Variants in BRINP2 observed in about 807,000 individuals in gnomAD.
The protein encoded by BRINP2 is BMP/retinoic acid-inducible neural-specific protein 2.
In BRINP2, 21 loss-of-function variants were observed where a neutral mutation model predicts 69.2. The ratio of observed to expected loss-of-function variants is 0.30; its 90% CI spans 0.22 to 0.44. The LOEUF (loss-of-function observed/expected upper bound fraction) is 0.44, where lower values mean the gene tolerates loss of function less well. BRINP2 is among the 20% of genes least tolerant of loss of function. The probability of loss-of-function intolerance (pLI) is 1.00; values close to 1 mark genes in which losing one functional copy is unlikely to be tolerated. For synonymous variants in BRINP2, 380 were observed against 394.1 expected (o/e 0.96, Z 0.42); for missense variants, 877 against 986.0 (o/e 0.89, Z 1.48).
intron 1 of BRINP2, among the ~76,000 whole-genome samples, chr1:177,177,650 A>ACTACT (rs58914167): frequency 0.16 from 23,653 of 151,930 alleles, 3,730 homozygotes; most frequent in African/African-American, 0.41. Flanking sequence ...GCTTAATCAA[A>ACTACT]CTACTCTACT....
At chr1:177,237,274 G>T (rs1378686586) in intron 2 of BRINP2, among the ~76,000 whole-genome samples, 2 of 152,194 alleles carry the variant, frequency 1.3e-5, no homozygotes, top group Non-Finnish European at 2.9e-5. Context: ...AGCAGAATAC[G>T]AAAGACAGAC....
At chr1:177,215,439 AT>A (rs950180568) in intron 1 of BRINP2, among the ~76,000 whole-genome samples, 3 of 151,946 alleles carry the variant, frequency 2.0e-5, no homozygotes, top group Non-Finnish European at 4.4e-5. Flanking sequence ...TTTACTCCTA[AT>A]TTTTTTATAG....
At chr1:177,205,855 C>A (rs1351245318) in intron 1 of BRINP2, among the ~76,000 whole-genome samples, 1 of 152,140 alleles carries the variant, frequency 6.6e-6, no homozygotes, top group African/African-American at 2.4e-5. Flanking sequence ...TTCAAGATGG[C>A]CTTCAATACT....
At chr1:177,247,321 C>T (rs1650417313) in intron 2 of BRINP2, among the ~76,000 whole-genome samples, 2 of 152,318 alleles carry the variant, frequency 1.3e-5, no homozygotes, top group African/African-American at 4.8e-5. Context: ...AGGCAAATCT[C>T]CAAGACAAAG....
rs151060855 is a variant in BRINP2, at chr1:177,214,105, G to C, written c.-76-15696G>C. On this transcript the variant is annotated intron_variant, in intron 1 of 7. Transcript: ENST00000361539. ...CAAATTGCTTCAGTCTAAGTCTACAGTCTCACTTTCTAATGGAGAAAAAAC... is the reference window on the plus strand; with the variant it reads ...CAAATTGCTTCAGTCTAAGTCTACACTCTCACTTTCTAATGGAGAAAAAAC... 2.3e-3 allele frequency among the ~76,000 whole-genome samples: 355 copies of C among 152,248 alleles called. 2 individuals are homozygous for C. The highest frequency in any genetic ancestry group is 0.018 in the East Asian group (91 of 5,178).
rs1558146997 is a variant in BRINP2 at position 177,171,551 on chromosome 1, G to C, written c.-258G>C. On this transcript the variant is annotated 5_prime_UTR_variant, in exon 1 of 8. Transcript: ENST00000361539. ...CATCCGCTCCCTCTCACACGCTGAG[G>C]GGGAGGCATTCGCGTTTCCCCAAAT... 1 of 153,058 alleles carries C rather than the reference G, an allele frequency of 6.5e-6. No homozygotes were observed. 9.5% of individuals were successfully genotyped at this position (153,058 alleles called of 1,614,324 possible). A position where few individuals can be genotyped will look rare whatever the true frequency, so the allele number is the denominator to read the frequency against.
intron 1 of BRINP2, among the ~76,000 whole-genome samples, chr1:177,178,070 G>A (rs376408485): frequency 6.6e-6 from 1 of 152,104 alleles, no homozygotes. Flanking sequence ...GCCCCTCCAG[G>A]CTTGACAGGG....
chr1:177,181,188 G>C (rs1648234992), intron 1 of BRINP2, among the ~76,000 whole-genome samples: 1 of 152,262 alleles, frequency 6.6e-6, no homozygotes, highest in Non-Finnish European at 1.5e-5. Context: ...TAGAAAGCCA[G>C]AATTTTGCCA....
chr1:177,249,615 G>T (rs1650517043), intron 2 of BRINP2, among the ~76,000 whole-genome samples: 1 of 152,164 alleles, frequency 6.6e-6, no homozygotes, highest in Non-Finnish European at 1.5e-5. Flanking sequence ...AAACAAAGAT[G>T]ATGGCTTAAT....
intron 6 of BRINP2, among the ~76,000 whole-genome samples, chr1:177,278,230 G>A (rs2102364167): frequency 6.6e-6 from 1 of 152,204 alleles, no homozygotes; most frequent in South Asian, 2.1e-4. Context: ...GGATGTCTTA[G>A]AAGGAAGTAT....
chr1:177,271,154 C>A (rs1651313866), intron 4 of BRINP2, among the ~76,000 whole-genome samples: 1 of 152,188 alleles, frequency 6.6e-6, no homozygotes, highest in Admixed American at 6.5e-5. Flanking sequence ...GTTAAATGAG[C>A]AAATGAGTAA....
chr1:177,262,225 C>A (rs773690876), intron 4 of BRINP2, among the ~76,000 whole-genome samples: 32 of 152,120 alleles, frequency 2.1e-4, no homozygotes, highest in Non-Finnish European at 4.4e-4. Context: ...ATTAAAATAA[C>A]TCCATAGGCC....
At chr1:177,234,920 A>G (rs1037746565) in intron 2 of BRINP2, among the ~76,000 whole-genome samples, 2 of 152,248 alleles carry the variant, frequency 1.3e-5, no homozygotes, top group African/African-American at 2.4e-5. Flanking sequence ...GGATAGAATC[A>G]GGTGATTGGT....
chr1:177,213,023 T>C (rs569675078), intron 1 of BRINP2, among the ~76,000 whole-genome samples: 1 of 152,320 alleles, frequency 6.6e-6, no homozygotes, highest in Non-Finnish European at 1.5e-5. Context: ...TTATTGTTGT[T>C]ATTGTTATGA....
intron 1 of BRINP2, among the ~76,000 whole-genome samples, chr1:177,228,506 A>G (rs1241364422): frequency 6.6e-6 from 1 of 152,138 alleles, no homozygotes; most frequent in Non-Finnish European, 1.5e-5. Flanking sequence ...TGAAGTCCAC[A>G]TTGTCTGCCC....
In BRINP2 at chr1:177,256,763, A is replaced by C. The variant is rs1650774759; in HGVS notation, c.461-413A>C. On this transcript the variant is annotated intron_variant, in intron 3 of 7. Coordinates refer to ENST00000361539, the MANE Select transcript of BRINP2 (RefSeq NM_021165.4). The stretch of plus-strand genomic sequence containing the variant: ...CTCGGGCCAGCTGTCGGCACGCGGC[A>C]GGTGTTGAGTGTTTGATGGGGAGGA... 1.4e-5 allele frequency: 15 copies of C among 1,088,600 alleles called. 1 individual carries two copies. In the South Asian group the frequency reaches 3.7e-4, roughly 27 times the overall value. 67.4% of individuals were successfully genotyped at this position (1,088,600 alleles called of 1,614,324 possible).
chr1:177,256,785 A>T, intron 3 of BRINP2: 1 of 1,128,908 alleles, frequency 8.9e-7, no homozygotes, highest in African/African-American at 1.6e-5. Context: ...TTTGATGGGG[A>T]GGAGGGAGAT....
At chr1:177,204,083 T>C (rs1420097018) in intron 1 of BRINP2, among the ~76,000 whole-genome samples, 1 of 152,182 alleles carries the variant, frequency 6.6e-6, no homozygotes, top group African/African-American at 2.4e-5. Context: ...ATACAGACAT[T>C]GGTGTGTTTT....
intron 4 of BRINP2, among the ~76,000 whole-genome samples, chr1:177,258,820 C>T (rs191429475): frequency 1.7e-4 from 26 of 152,274 alleles, no homozygotes; most frequent in Admixed American, 1.3e-3. Flanking sequence ...TAACAAACTT[C>T]GTCAATAAAT....
Sources: allele counts gnomAD v4.1 joint callset (sites outside exome capture counted in the v4.1 genomes callset), GRCh38; gene constraint gnomAD v4.1.1; transcripts MANE v1.5; gene names NCBI Gene and HGNC (gene_info 2026-07-23, HGNC 2026-07-21).